VIT: variants seen among roughly 807,000 people sequenced by gnomAD.
VIT encodes vitrin.
In VIT, 99 loss-of-function variants were observed where a neutral mutation model predicts 78.0. That is an observed-to-expected ratio of 1.27 (90% CI 1.08 to 1.50). The LOEUF is 1.50. Ranked by LOEUF, VIT falls within the 40% of genes most tolerant of loss-of-function variation. The pLI, the probability that VIT is intolerant of heterozygous loss-of-function variation, is 0.00. For synonymous variants in VIT, 374 were observed against 334.3 expected, an observed-to-expected ratio of 1.12 and a Z score of -1.29; for missense variants, 1,126 against 875.3, an observed-to-expected ratio of 1.29 and a Z score of -3.61.
intron 2 of VIT, among the ~76,000 whole-genome samples, chr2:36,723,985 G>GA (rs1436221889): frequency 1.4e-5 from 2 of 142,484 alleles, no homozygotes; most frequent in Non-Finnish European, 3.1e-5. Context: ...GGGGAGGGGG[G>GA]GGATTATTTA....
At chr2:36,772,698 G>T (rs1173671716) in intron 7 of VIT, among the ~76,000 whole-genome samples, 1 of 152,216 alleles carries the variant, frequency 6.6e-6, no homozygotes, top group Non-Finnish European at 1.5e-5. Flanking sequence ...CAGAGTGAGA[G>T]CCTGACTGAA....
chr2:36,760,263 G>C (rs750156238), intron 6 of VIT, among the ~76,000 whole-genome samples: 49 of 152,090 alleles, frequency 3.2e-4, no homozygotes, highest in Non-Finnish European at 5.9e-4. Flanking sequence ...AAAATGCTAG[G>C]ATTACAGGCA....
At chr2:36,702,577 T>C (rs988682381) in intron 1 of VIT, among the ~76,000 whole-genome samples, 2 of 152,170 alleles carry the variant, frequency 1.3e-5, no homozygotes, top group East Asian at 1.9e-4. Flanking sequence ...GGGGGCATGA[T>C]TGAATTTTCT....
chr2:36,765,428 A>AGAG (rs113331161), intron 6 of VIT, among the ~76,000 whole-genome samples: 2,852 of 105,514 alleles, frequency 0.027, 100 homozygotes, highest in African/African-American at 0.084. Flanking sequence ...AGAGAGAGAG[A>AGAG]GAGAGAAAGA....
intron 14 of VIT, among the ~76,000 whole-genome samples, chr2:36,807,635 C>G (rs1666826366): frequency 6.6e-6 from 1 of 152,172 alleles, no homozygotes; most frequent in Non-Finnish European, 1.5e-5. Context: ...TTCTGTGACC[C>G]AGAGGCAGGG....
At chr2:36,714,448 C>T (rs1325663929) in intron 1 of VIT, among the ~76,000 whole-genome samples, 1 of 151,396 alleles carries the variant, frequency 6.6e-6, no homozygotes, top group Admixed American at 6.6e-5. Flanking sequence ...GGGCTTTTAT[C>T]TCTTGTTTTT....
Position 36,801,307 on chromosome 2 carries a change from C to T in VIT, c.1065C>T (p.Asn355=), listed in dbSNP as rs200358317. The change falls in exon 13 of 16, where the codon AAC becomes AAT. Residue 355 remains asparagine (N), a synonymous_variant. Transcript: ENST00000379242. ...TCTTGTTCTGACTCTTCAGAGACAA[C>T]CCTGCTACTCACTTTAACCTCAAGA... ...PLMGVVQYGD[N]PATHFNLKTH... 4.3e-6 allele frequency: 7 copies of T among 1,613,924 alleles called. No homozygotes were observed. The highest frequency in any genetic ancestry group is 5.9e-6 in the Non-Finnish European group (7 of 1,179,882).
At chr2:36,733,310 C>G (rs1319322468) in intron 3 of VIT, among the ~76,000 whole-genome samples, 1 of 152,106 alleles carries the variant, frequency 6.6e-6, no homozygotes, top group South Asian at 2.1e-4. Flanking sequence ...CTCTGTGCAT[C>G]TCTCTCTTTC....
intron 12 of VIT, among the ~76,000 whole-genome samples, chr2:36,793,129 G>T (rs1665624025): frequency 6.6e-6 from 1 of 152,096 alleles, no homozygotes; most frequent in African/African-American, 2.4e-5. Flanking sequence ...AACACTCACT[G>T]AGCCCTGTGA....
intron 13 of VIT, among the ~76,000 whole-genome samples, 182 bp from the exon 14 acceptor site, chr2:36,805,256 A>T (rs985193168): frequency 4.1e-5 from 6 of 148,026 alleles, no homozygotes; most frequent in African/African-American, 1.5e-4. Flanking sequence ...GTGAGCTGTG[A>T]TCGAACCACT....
At chr2:36,729,330 A>G (rs1347769589) in intron 2 of VIT, 96 bp from the exon 3 acceptor site, 4 of 1,060,140 alleles carry the variant, frequency 3.8e-6, no homozygotes, top group Non-Finnish European at 4.0e-6. Context: ...TGCCATGGAG[A>G]ATACTTTGTG....
intron 4 of VIT, among the ~76,000 whole-genome samples, chr2:36,748,335 C>T (rs1668261255): frequency 6.6e-6 from 1 of 152,182 alleles, no homozygotes. Flanking sequence ...AAGTTGCTTA[C>T]TCTCTCTCCT....
intron 14 of VIT, 118 bp downstream of exon 14, chr2:36,805,782 A>C: frequency 1.2e-5 from 13 of 1,115,242 alleles, no homozygotes; most frequent in Non-Finnish European, 1.6e-5. Flanking sequence ...ATCTCTAGGC[A>C]GTAAGGCCTC....
chr2:36,744,782 T>A (rs1668036327), intron 4 of VIT, among the ~76,000 whole-genome samples: 1 of 152,170 alleles, frequency 6.6e-6, no homozygotes, highest in Non-Finnish European at 1.5e-5. Context: ...TTTACTCCAC[T>A]GATAGGTTCT....
At chr2:36,787,082 T>C (rs781359531) in intron 11 of VIT, 47 bp from the exon 12 acceptor site, 1 of 1,608,918 alleles carries the variant, frequency 6.2e-7, no homozygotes, top group South Asian at 1.1e-5. Flanking sequence ...CCCAGGTAAA[T>C]GCAGTGAGAG....
At chr2:36,729,086 T>C (rs1260927259) in intron 2 of VIT, among the ~76,000 whole-genome samples, 2 of 152,214 alleles carry the variant, frequency 1.3e-5, no homozygotes, top group African/African-American at 2.4e-5. Flanking sequence ...TACATAAATA[T>C]TTATCAGTTG....
chr2:36,759,630 G>A (rs941979626), intron 6 of VIT: 2 of 991,546 alleles, frequency 2.0e-6, no homozygotes, highest in African/African-American at 3.5e-5. Context: ...TGTATCTCCA[G>A]AGGTGTTTTG....
chr2:36,798,034 G>C lies in VIT; in HGVS notation c.1059-3267G>C, dbSNP rs1401293291. Among the ~76,000 whole-genome samples the C allele has an allele frequency of 2.0e-5, 3 of 152,130 alleles. No individual in the cohort carries two copies. The South Asian group carries it at 6.2e-4, about 31-fold the overall frequency. On this transcript the variant is annotated intron_variant, in intron 12 of 15. Transcript: ENST00000379242. Reference sequence around the variant, plus strand: ...TGCACAAAGCTAGAAAAGTGGGAAAGGGTGAACAGTTCATTTTGACTAGAA... The same window carrying C: ...TGCACAAAGCTAGAAAAGTGGGAAACGGTGAACAGTTCATTTTGACTAGAA...
chr2:36,811,309 G>C (rs761356030), intron 15 of VIT, among the ~76,000 whole-genome samples: 15 of 152,200 alleles, frequency 9.9e-5, no homozygotes, highest in Non-Finnish European at 2.2e-4. Flanking sequence ...CCAAACATCT[G>C]TCCCCAGTTT....
Sources: gnomAD v4.1 joint callset for allele counts (sites outside exome capture counted in the v4.1 genomes callset) on GRCh38, gnomAD v4.1.1 for gene constraint, MANE v1.5 for transcripts, NCBI Gene and HGNC (gene_info 2026-07-23, HGNC 2026-07-21) for gene names.